PACRG: variants seen among roughly 807,000 people sequenced by gnomAD.
PACRG encodes the protein parkin coregulated.
In PACRG, 29 loss-of-function variants were observed where a neutral mutation model predicts 29.7. The observed-to-expected ratio is 0.98, with a 90% CI of 0.73 to 1.33. PACRG has a LOEUF of 1.33. PACRG is among the 40% of genes most tolerant of loss of function. The pLI, the probability that PACRG is intolerant of heterozygous loss-of-function variation, is 0.00. For missense variants in PACRG, 279 were observed against 316.2 expected (o/e 0.88, Z 0.89); for synonymous variants, 116 against 118.7 (o/e 0.98, Z 0.15).
chr6:163,091,998 CT>C (rs1469837852), intron 4 of PACRG, among the ~76,000 whole-genome samples: 5 of 152,142 alleles, frequency 3.3e-5, no homozygotes, highest in African/African-American at 4.8e-5. Flanking sequence ...CCGTATTCCT[CT>C]TTTTTTGTAT....
intron 1 of PACRG, among the ~76,000 whole-genome samples, chr6:162,806,693 T>A (rs1786363880): frequency 6.6e-6 from 1 of 152,164 alleles, no homozygotes; most frequent in Non-Finnish European, 1.5e-5. Flanking sequence ...GTTGTTCCAT[T>A]TACAGAGTAC....
intron 2 of PACRG, chr6:163,016,328 A>G (rs961176896): frequency 2.1e-4 from 32 of 152,212 alleles, no homozygotes; most frequent in African/African-American, 7.5e-4. Flanking sequence ...TGGACAAGAT[A>G]TAATCTGATG....
intron 1 of PACRG, among the ~76,000 whole-genome samples, chr6:162,780,527 T>C (rs1784018068): frequency 6.6e-6 from 1 of 151,946 alleles, no homozygotes; most frequent in South Asian, 2.1e-4. Flanking sequence ...TTAAAAATTA[T>C]CAGACATACA....
chr6:162,885,945 T>C (rs766905330), intron 2 of PACRG, among the ~76,000 whole-genome samples: 1 of 152,254 alleles, frequency 6.6e-6, no homozygotes, highest in Non-Finnish European at 1.5e-5. Flanking sequence ...TTAATATTGT[T>C]ACAATATTGT....
chr6:163,180,992 C>T (rs1779627880), intron 4 of PACRG, among the ~76,000 whole-genome samples: 1 of 152,156 alleles, frequency 6.6e-6, no homozygotes, highest in Non-Finnish European at 1.5e-5. Context: ...AATGACAGAG[C>T]CAGGGTGTGA....
intron 4 of PACRG, among the ~76,000 whole-genome samples, chr6:163,197,332 A>T (rs890050946): frequency 6.6e-6 from 1 of 152,158 alleles, no homozygotes; most frequent in African/African-American, 2.4e-5. Flanking sequence ...GGAAGAAAAA[A>T]GAAATACCAT....
chr6:163,074,960 T>G (rs1812409927), intron 3 of PACRG, among the ~76,000 whole-genome samples: 1 of 152,008 alleles, frequency 6.6e-6, no homozygotes, highest in Non-Finnish European at 1.5e-5. Context: ...GGCACTGCAC[T>G]CCCGCCTGGG....
chr6:163,059,752 A>G (rs958521888), intron 2 of PACRG, among the ~76,000 whole-genome samples: 4 of 152,180 alleles, frequency 2.6e-5, no homozygotes, highest in South Asian at 2.1e-4. Context: ...AATAATGCCT[A>G]CTTCTTCCAG....
intron 1 of PACRG, among the ~76,000 whole-genome samples, chr6:162,791,645 T>C (rs1784956408): frequency 6.6e-6 from 1 of 152,176 alleles, no homozygotes; most frequent in Admixed American, 6.5e-5. Context: ...GTCTTCCCTT[T>C]CCATTTGTAC....
chr6:163,126,296 C>G (rs1562929938), intron 4 of PACRG, among the ~76,000 whole-genome samples: 1 of 152,192 alleles, frequency 6.6e-6, no homozygotes, highest in Admixed American at 6.5e-5. Flanking sequence ...CTGAATCAGG[C>G]CTTTCACCTT....
In PACRG at chr6:162,768,428, A is replaced by G. The variant is rs1782965768; in HGVS notation, c.156+40037A>G. On this transcript the variant is annotated intron_variant, in intron 1 of 4. Transcript: ENST00000366888. Reference sequence around the variant, plus strand: ...GACAGTTTTGCTTTGATCTCTTGGCATTGATTTCACTTATTGTGCTTTCAA... The same window carrying G: ...GACAGTTTTGCTTTGATCTCTTGGCGTTGATTTCACTTATTGTGCTTTCAA... 2.6e-5 allele frequency among the ~76,000 whole-genome samples: 4 copies of G among 152,006 alleles called. No individual in the cohort carries two copies. The South Asian group carries it at 6.2e-4, about 24-fold the overall frequency.
In PACRG at chr6:163,269,952, AAAGAAAGAAAGAAAG is replaced by A. The variant is rs1562350188; in HGVS notation, c.614-44872_614-44858del. Among the ~76,000 whole-genome samples, 10 of 63,420 alleles carry A rather than the reference AAAGAAAGAAAGAAAG, an allele frequency of 1.6e-4. 1 individual carries two copies. Among genetic ancestry groups the A allele is most frequent in the Non-Finnish European group, 2.4e-4 (8 of 32,998 alleles). The allele number at this position is 63,420 out of a possible 152,430, so 41.6% of individuals were successfully genotyped here. On this transcript the variant is annotated intron_variant, in intron 4 of 4. Transcript: ENST00000366888. ...AAAACAAAGAAAGAAAGAAAGAAAGAAAGAAAGAAAGAAAGAAAGAAAGAAAGAAAGAAAGAAAGA... is the reference window on the plus strand; with the variant it reads ...AAAACAAAGAAAGAAAGAAAGAAAGAAAAGAAAGAAAGAAAGAAAGAAAGA...
chr6:163,123,717 AT>A (rs1259049184), intron 4 of PACRG, among the ~76,000 whole-genome samples: 1 of 152,154 alleles, frequency 6.6e-6, no homozygotes, highest in African/African-American at 2.4e-5. Flanking sequence ...ACATCTGACT[AT>A]TTTTAGATGC....
chr6:162,797,004 C>G, intron 1 of PACRG, among the ~76,000 whole-genome samples: 1 of 152,214 alleles, frequency 6.6e-6, no homozygotes, highest in Non-Finnish European at 1.5e-5. Context: ...TGGCTGGGCA[C>G]AGTGGCTCAC....
At chr6:163,184,583 G>A (rs549949053) in intron 4 of PACRG, among the ~76,000 whole-genome samples, 32 of 152,152 alleles carry the variant, frequency 2.1e-4, no homozygotes, top group Non-Finnish European at 2.2e-4. Flanking sequence ...AACAATGTTC[G>A]TATTGGCCAT....
intron 1 of PACRG, among the ~76,000 whole-genome samples, chr6:162,806,690 C>T (rs966496064): frequency 1.3e-5 from 2 of 152,132 alleles, no homozygotes; most frequent in African/African-American, 4.8e-5. Flanking sequence ...TTTGTTGTTC[C>T]ATTTACAGAG....
intron 3 of PACRG, among the ~76,000 whole-genome samples, chr6:163,072,206 A>G (rs186920584): frequency 3.9e-5 from 6 of 152,266 alleles, no homozygotes; most frequent in African/African-American, 1.4e-4. Context: ...ACAAAATACT[A>G]GCAAACTGAA....
intron 2 of PACRG, among the ~76,000 whole-genome samples, chr6:163,007,470 T>C (rs1308755551): frequency 6.6e-6 from 1 of 152,192 alleles, no homozygotes; most frequent in Non-Finnish European, 1.5e-5. Context: ...TATAAATTCC[T>C]TTGTATGTAT....
In PACRG at chr6:162,947,297, CATATAAT is replaced by C. The variant is rs1562765279; in HGVS notation, c.292-114847_292-114841del. 1.3e-3 allele frequency among the ~76,000 whole-genome samples: 151 copies of C among 117,688 alleles called. 6 individuals carry two copies. Among genetic ancestry groups the C allele is most frequent in the African/African-American group, 4.5e-3 (141 of 31,294 alleles). 77.2% of individuals were successfully genotyped at this position (117,688 alleles called of 152,430 possible). ...AACCATATATAATCATACATATAAT[CATATAAT>C]ATATATAATCATATATAATACATAT... On this transcript the variant is annotated intron_variant, in intron 2 of 4. Coordinates refer to ENST00000366888, the MANE Select transcript of PACRG (RefSeq NM_001080379.2).
Sources: allele counts gnomAD v4.1 joint callset (sites outside exome capture counted in the v4.1 genomes callset), GRCh38; gene constraint gnomAD v4.1.1; transcripts MANE v1.5; gene names NCBI Gene and HGNC (gene_info 2026-07-23, HGNC 2026-07-21).